Variants in B3GALT1 observed in about 807,000 individuals in gnomAD.
B3GALT1 encodes the protein beta-1,3-galactosyltransferase 1, also known as UDP-Gal:betaGlcNAc beta 1,3-galactosyltransferase, polypeptide 1.
B3GALT1 carries 10 observed loss-of-function variants against 23.2 expected under a neutral mutation model. That is an observed-to-expected ratio of 0.43 (90% CI 0.27 to 0.73). The LOEUF is 0.73. Among genes scored for constraint, B3GALT1 ranks in the 30% least tolerant of loss-of-function variants. The probability of loss-of-function intolerance (pLI) is 0.21; values close to 1 mark genes in which losing one functional copy is unlikely to be tolerated. For missense variants in B3GALT1, 299 were observed against 405.4 expected (o/e 0.74, Z 2.25); for synonymous variants, 156 against 141.5 (o/e 1.10, Z -0.73).
chr2:167,527,070 T>G (rs1166562849), intron 2 of B3GALT1, among the ~76,000 whole-genome samples: 1 of 152,168 alleles, frequency 6.6e-6, no homozygotes, highest in Non-Finnish European at 1.5e-5. Context: ...TTACAACTTA[T>G]GAATTTGTCA....
chr2:167,402,750 G>A (rs932859252), intron 1 of B3GALT1, among the ~76,000 whole-genome samples: 1 of 152,122 alleles, frequency 6.6e-6, no homozygotes, highest in East Asian at 1.9e-4. Flanking sequence ...GCTGTTGGAA[G>A]TGACCAGACT....
intron 3 of B3GALT1, among the ~76,000 whole-genome samples, chr2:167,711,003 C>G (rs1230674451): frequency 2.0e-5 from 3 of 152,152 alleles, no homozygotes; most frequent in Non-Finnish European, 2.9e-5. Context: ...AAATGCCTCA[C>G]TCTGCCTACA....
At chr2:167,610,814 G>A (rs1685049704) in intron 2 of B3GALT1, among the ~76,000 whole-genome samples, 1 of 147,594 alleles carries the variant, frequency 6.8e-6, no homozygotes, top group Non-Finnish European at 1.5e-5. Context: ...GTCTTAAGGC[G>A]AGTAAACTAT....
chr2:167,392,044 A>G (rs1698021140), intron 1 of B3GALT1, among the ~76,000 whole-genome samples: 1 of 152,012 alleles, frequency 6.6e-6, no homozygotes, highest in Non-Finnish European at 1.5e-5. Context: ...AGGCGTCATC[A>G]GTTCTGGGTG....
intron 4 of B3GALT1, among the ~76,000 whole-genome samples, chr2:167,849,846 C>T (rs1481956936): frequency 6.7e-6 from 1 of 149,002 alleles, no homozygotes; most frequent in African/African-American, 2.5e-5. Context: ...GCCGAGATCG[C>T]GCCACTGCAC....
chr2:167,840,504 A>G (rs1310374574), intron 4 of B3GALT1, among the ~76,000 whole-genome samples: 35 of 149,966 alleles, frequency 2.3e-4, no homozygotes, highest in Non-Finnish European at 4.8e-4. Flanking sequence ...TAGAATGGCA[A>G]TCATTAAAAA....
At chr2:167,846,089 A>G (rs940608068) in intron 4 of B3GALT1, among the ~76,000 whole-genome samples, 8 of 152,098 alleles carry the variant, frequency 5.3e-5, no homozygotes, top group Admixed American at 3.3e-4. Context: ...AAAGTCTCCA[A>G]GAAGTCTGGG....
intron 3 of B3GALT1, among the ~76,000 whole-genome samples, chr2:167,790,884 A>C (rs1434957424): frequency 6.6e-6 from 1 of 152,124 alleles, no homozygotes; most frequent in Non-Finnish European, 1.5e-5. Flanking sequence ...CTTTGAAATT[A>C]TATTTTGTAT....
chr2:167,795,751 T>G (rs1688537129), intron 3 of B3GALT1, among the ~76,000 whole-genome samples: 1 of 152,222 alleles, frequency 6.6e-6, no homozygotes, highest in African/African-American at 2.4e-5. Context: ...ATTCTAAAGC[T>G]TATAGATCCA....
At chr2:167,406,951 G>A (rs1470225286) in intron 1 of B3GALT1, among the ~76,000 whole-genome samples, 2 of 152,116 alleles carry the variant, frequency 1.3e-5, no homozygotes, top group African/African-American at 4.8e-5. Context: ...GAGCTGAAAA[G>A]GAAAACATTG....
intron 1 of B3GALT1, among the ~76,000 whole-genome samples, chr2:167,463,209 T>G (rs899007239): frequency 3.3e-5 from 5 of 152,168 alleles, no homozygotes; most frequent in African/African-American, 1.2e-4. Flanking sequence ...TATCTTCTTA[T>G]CTGGGCCAAA....
At chr2:167,582,725 A>G (rs143871374) in intron 2 of B3GALT1, among the ~76,000 whole-genome samples, 292 of 152,266 alleles carry the variant, frequency 1.9e-3, no homozygotes, top group South Asian at 3.9e-3. Flanking sequence ...CTGTGCTGGC[A>G]GGAGTCTAGA....
chr2:167,861,406 G>A (rs1440637769), intron 4 of B3GALT1, among the ~76,000 whole-genome samples: 1 of 152,192 alleles, frequency 6.6e-6, no homozygotes, highest in African/African-American at 2.4e-5. Context: ...ATAACCTGTG[G>A]CTCTGGAGGC....
chr2:167,515,556 C>G (rs1700088297), intron 2 of B3GALT1, among the ~76,000 whole-genome samples: 1 of 152,074 alleles, frequency 6.6e-6, no homozygotes, highest in Non-Finnish European at 1.5e-5. Flanking sequence ...CAGATTACAG[C>G]ATCAGGGATG....
chr2:167,576,532 G>GTTTTTTTTTTTTTTTTTTT (rs1310083012), intron 2 of B3GALT1, among the ~76,000 whole-genome samples: 7 of 110,948 alleles, frequency 6.3e-5, no homozygotes, highest in Non-Finnish European at 9.6e-5. Flanking sequence ...TTTTTTTTTT[G>GTTTTTTTTTTTTTTTTTTT]TTTTTTTTTT....
chr2:167,421,044 A>G (rs762293061), intron 1 of B3GALT1, among the ~76,000 whole-genome samples: 30 of 152,370 alleles, frequency 2.0e-4, no homozygotes, highest in African/African-American at 7.2e-4. Context: ...ACTGAGTGGA[A>G]CAATATAATG....
At chr2:167,782,881 AGAG>A (rs1287430227) in intron 3 of B3GALT1, among the ~76,000 whole-genome samples, 1 of 152,222 alleles carries the variant, frequency 6.6e-6, no homozygotes, top group East Asian at 1.9e-4. Context: ...AAGAGTAAAA[AGAG>A]AATAATAAGA....
At chr2:167,722,301 T>G (rs1485882354) in intron 3 of B3GALT1, among the ~76,000 whole-genome samples, 2 of 152,240 alleles carry the variant, frequency 1.3e-5, no homozygotes, top group Non-Finnish European at 2.9e-5. Context: ...GAATACTTTT[T>G]TCTCCTTTTG....
intron 2 of B3GALT1, among the ~76,000 whole-genome samples, chr2:167,515,493 C>G (rs896882708): frequency 6.6e-6 from 1 of 152,048 alleles, no homozygotes; most frequent in Non-Finnish European, 1.5e-5. Flanking sequence ...AACTGATAAA[C>G]CATAAAATTA....
Sources: gnomAD v4.1 joint callset for allele counts (sites outside exome capture counted in the v4.1 genomes callset) on GRCh38, gnomAD v4.1.1 for gene constraint, MANE v1.5 for transcripts, NCBI Gene and HGNC (gene_info 2026-07-23, HGNC 2026-07-21) for gene names.